L2HGDH: variants seen among roughly 807,000 people sequenced by gnomAD.
L2HGDH encodes L-2-hydroxyglutarate dehydrogenase, mitochondrial.
Under a neutral mutation model 51.5 loss-of-function variants are expected in L2HGDH, and 34 were observed. That is an observed-to-expected ratio of 0.66 (90% CI 0.50 to 0.88). The LOEUF (loss-of-function observed/expected upper bound fraction) is 0.88. Ranked by LOEUF, L2HGDH falls within the 40% of genes least tolerant of loss-of-function variation. The pLI is 0.00. For synonymous variants in L2HGDH, 198 were observed against 197.9 expected, an observed-to-expected ratio of 1.00 and a Z score of -0.01; for missense variants, 558 against 571.9, an observed-to-expected ratio of 0.98 and a Z score of 0.25.
In L2HGDH at chr14:50,257,499, A is replaced by G. The variant is rs1888741493; in HGVS notation, c.1196+7859T>C. On this transcript the variant is annotated intron_variant, in intron 9 of 9. Transcript: ENST00000267436. ...ATCCTCCCTCCTCGGCCTCCAGAGT[A>G]GCTGGGACTACAGGTGTGTACCACC... Among the ~76,000 whole-genome samples, 4 of 151,992 alleles carry G rather than the reference A, an allele frequency of 2.6e-5. No homozygotes were observed. The South Asian group carries it at 8.3e-4, about 32-fold the overall frequency.
At chr14:50,288,492 G>A (rs772434883) in intron 4 of L2HGDH, among the ~76,000 whole-genome samples, 20 of 152,100 alleles carry the variant, frequency 1.3e-4, no homozygotes, top group South Asian at 4.1e-4. Context: ...GTCCAATGGC[G>A]CGATCTCAGC....
At chr14:50,283,642 G>A (rs140077880) in intron 5 of L2HGDH, among the ~76,000 whole-genome samples, 5 of 152,186 alleles carry the variant, frequency 3.3e-5, no homozygotes, top group Non-Finnish European at 5.9e-5. Context: ...ATGCACATAC[G>A]CTGGATATTT....
intron 9 of L2HGDH, among the ~76,000 whole-genome samples, chr14:50,252,240 C>T (rs1274180662): frequency 6.6e-6 from 1 of 151,746 alleles, no homozygotes; most frequent in Non-Finnish European, 1.5e-5. Context: ...TTGCAAGCCT[C>T]ATGGTAAAAT....
intron 9 of L2HGDH, among the ~76,000 whole-genome samples, chr14:50,248,504 C>A (rs920122255): frequency 6.6e-6 from 1 of 152,156 alleles, no homozygotes; most frequent in Non-Finnish European, 1.5e-5. Flanking sequence ...TCTTAAGAGG[C>A]TGACACAGTT....
At chr14:50,264,862 A>G (rs1889247438) in intron 9 of L2HGDH, among the ~76,000 whole-genome samples, 1 of 152,230 alleles carries the variant, frequency 6.6e-6, no homozygotes, top group African/African-American at 2.4e-5. Context: ...CTTCACATGT[A>G]CCCCAAACCT....
chr14:50,264,562 G>T (rs986021927), intron 9 of L2HGDH, among the ~76,000 whole-genome samples: 2 of 152,182 alleles, frequency 1.3e-5, no homozygotes, highest in East Asian at 3.8e-4. Flanking sequence ...GCCAGGTCTA[G>T]GAGTGTGTTT....
At chr14:50,261,385 A>AT (rs1315707540) in intron 9 of L2HGDH, among the ~76,000 whole-genome samples, 11 of 152,224 alleles carry the variant, frequency 7.2e-5, no homozygotes, top group African/African-American at 2.4e-4. Context: ...ATTGTGACAT[A>AT]TATGTCTTCG....
intron 3 of L2HGDH, among the ~76,000 whole-genome samples, chr14:50,296,322 G>A (rs183639210): frequency 8.3e-4 from 105 of 126,440 alleles, no homozygotes; most frequent in African/African-American, 3.2e-3. Flanking sequence ...ACAGAGAGCC[G>A]AGATTGCACC....
In L2HGDH at chr14:50,267,926, A is replaced by G; in HGVS notation, c.907-16T>C. ...TATCTGGGACCTATAAATTTAACAT[A>G]GTAAATAACAGCCTCATTTCACATT... On this transcript the variant is annotated splice_polypyrimidine_tract_variant and intron_variant, in intron 7 of 9. Transcript: ENST00000267436. 1 of 1,611,200 alleles carries G rather than the reference A, an allele frequency of 6.2e-7. No homozygotes were observed. Among genetic ancestry groups the G allele is most frequent in the East Asian group, 2.2e-5 (1 of 44,868 alleles).
intron 4 of L2HGDH, chr14:50,287,143 T>C (rs1890607453): frequency 1.0e-6 from 1 of 968,682 alleles, no homozygotes; most frequent in African/African-American, 1.8e-5. Flanking sequence ...ATAATTTCAT[T>C]ACCTATGCAC....
At chr14:50,273,590 C>T (rs542669359) in intron 6 of L2HGDH, among the ~76,000 whole-genome samples, 3 of 151,460 alleles carry the variant, frequency 2.0e-5, no homozygotes, top group African/African-American at 7.3e-5. Flanking sequence ...GCACAGGCAA[C>T]AAAAGCAAAA....
At chr14:50,292,168 A>T (rs1890918938) in intron 4 of L2HGDH, among the ~76,000 whole-genome samples, 1 of 152,242 alleles carries the variant, frequency 6.6e-6, no homozygotes, top group African/African-American at 2.4e-5. Flanking sequence ...AAATTAAAAC[A>T]GATCCAGACA....
Position 50,265,364 on chromosome 14 carries a change from A to G in L2HGDH, c.1190T>C (p.Ile397Thr), listed in dbSNP as rs748551420. 1 of 1,610,856 alleles carries G rather than the reference A, an allele frequency of 6.2e-7. No individual in the cohort carries two copies. Among genetic ancestry groups the G allele is most frequent in the African/African-American group, 1.3e-5 (1 of 75,018 alleles). ...KFIPEITISD[I>T]LRGPAGVRAQ... ...CCTTATCCCTTTTCCTTACCTAAGT[A>G]TATCACTGATAGTAATTTCAGGGAT... is the stretch of plus-strand genomic sequence containing the variant. The change falls in exon 9 of 10, where the codon ATA becomes ACA. Residue 397 changes from isoleucine (I) to threonine (T), a missense_variant. By Grantham distance (89) the Ile-to-Thr change is moderately conservative. Coordinates refer to ENST00000267436, the MANE Select transcript of L2HGDH (RefSeq NM_024884.3).
At chr14:50,282,115 C>T (rs760812926) in intron 5 of L2HGDH, among the ~76,000 whole-genome samples, 99 of 152,162 alleles carry the variant, frequency 6.5e-4, no homozygotes, top group Admixed American at 1.1e-3. Context: ...GCTGGGATTA[C>T]AGGTGTGAGC....
intron 5 of L2HGDH, among the ~76,000 whole-genome samples, chr14:50,280,957 G>C (rs1890234044): frequency 1.3e-5 from 2 of 150,366 alleles, no homozygotes; most frequent in African/African-American, 4.9e-5. Context: ...TGGAAGTACA[G>C]GTGTGTGCTA....
intron 1 of L2HGDH, among the ~76,000 whole-genome samples, chr14:50,310,117 C>A (rs1228821086): frequency 6.6e-6 from 1 of 152,088 alleles, no homozygotes; most frequent in Non-Finnish European, 1.5e-5. Context: ...GAACAATGTC[C>A]GTGGATTTTG....
At chr14:50,296,587 C>A (rs1874494285) in intron 3 of L2HGDH, among the ~76,000 whole-genome samples, 2 of 142,996 alleles carry the variant, frequency 1.4e-5, no homozygotes, top group African/African-American at 2.7e-5. Context: ...TGAAAACTTC[C>A]CACATTAAAA....
rs879685755 is a variant in L2HGDH, at chr14:50,303,490, A to C, written c.141-473T>G. On this transcript the variant is annotated intron_variant, in intron 1 of 9. Coordinates refer to ENST00000267436, the MANE Select transcript of L2HGDH (RefSeq NM_024884.3). ...AAAAAAACCCTTAAAAGTTATACTA[A>C]TCAAGCCTGGGTGTGATGGCTCATG... is the stretch of plus-strand genomic sequence containing the variant. Among the ~76,000 whole-genome samples the C allele has an allele frequency of 2.0e-5, 3 of 150,858 alleles. No individual in the cohort carries two copies. In the East Asian group the frequency reaches 5.9e-4, roughly 30 times the overall value.
intron 9 of L2HGDH, among the ~76,000 whole-genome samples, chr14:50,249,570 C>T (rs66726816): frequency 0.32 from 47,875 of 151,746 alleles, 7,788 homozygotes; most frequent in Admixed American, 0.42. Context: ...GAACCTACTG[C>T]CTTGGAGGGA....
Sources: allele counts gnomAD v4.1 joint callset (sites outside exome capture counted in the v4.1 genomes callset), GRCh38; gene constraint gnomAD v4.1.1; transcripts MANE v1.5; gene names NCBI Gene and HGNC (gene_info 2026-07-23, HGNC 2026-07-21).